KANSL1: variants seen among roughly 807,000 people sequenced by gnomAD.
KANSL1 encodes MLL1/MLL complex subunit KANSL1.
In KANSL1, 22 loss-of-function variants were observed where a neutral mutation model predicts 103.6. The ratio of observed to expected loss-of-function variants is 0.21; its 90% CI spans 0.15 to 0.30. The LOEUF (loss-of-function observed/expected upper bound fraction) is 0.30. KANSL1 is among the 10% of genes least tolerant of loss of function. KANSL1 has a pLI of 1.00. For missense variants in KANSL1, 1,337 were observed against 1,399.8 expected (o/e 0.96, Z 0.72); for synonymous variants, 600 against 527.6 (o/e 1.14, Z -1.88).
intron 3 of KANSL1, among the ~76,000 whole-genome samples, chr17:46,086,170 T>C (rs1276748380): frequency 6.8e-6 from 1 of 147,950 alleles, no homozygotes. Context: ...TTCAGTTATA[T>C]GAAAGTAAGG....
intron 2 of KANSL1, among the ~76,000 whole-genome samples, chr17:46,155,212 T>C (rs1052838390): frequency 3.4e-5 from 5 of 147,454 alleles, no homozygotes; most frequent in African/African-American, 1.0e-4. Flanking sequence ...GCCCAGGCTG[T>C]AGTGTTGCCA....
intron 10 of KANSL1, among the ~76,000 whole-genome samples, chr17:46,036,532 C>T (rs1260454862): frequency 6.6e-6 from 1 of 152,136 alleles, no homozygotes; most frequent in Non-Finnish European, 1.5e-5. Context: ...TAGGTATTAT[C>T]AGTAATCTGG....
chr17:46,213,744 CCT>C (rs1324069875), intron 1 of KANSL1, among the ~76,000 whole-genome samples: 1 of 151,642 alleles, frequency 6.6e-6, no homozygotes, highest in Non-Finnish European at 1.5e-5. Context: ...ATGGTGAAAC[CCT>C]GTCTCTACTA....
At chr17:46,154,811 T>C (rs911368310) in intron 2 of KANSL1, among the ~76,000 whole-genome samples, 5 of 152,220 alleles carry the variant, frequency 3.3e-5, no homozygotes, top group South Asian at 2.1e-4. Context: ...ACATGGTTTA[T>C]ATGATGCCAT....
At chr17:46,091,817 G>GT (rs1318313807) in intron 3 of KANSL1, among the ~76,000 whole-genome samples, 2 of 151,944 alleles carry the variant, frequency 1.3e-5, no homozygotes, top group Non-Finnish European at 2.9e-5. Flanking sequence ...ATGTAAGTAT[G>GT]TATGTATGTA....
In KANSL1 at chr17:46,033,397, C is replaced by T; in HGVS notation, c.2724+6G>A. The T allele has an allele frequency of 6.2e-7, 1 of 1,613,822 alleles. No homozygotes were observed. The highest frequency in any genetic ancestry group is 2.2e-5 in the East Asian group (1 of 44,882). On this transcript the variant is annotated splice_donor_region_variant and intron_variant, in intron 12 of 14. Transcript: ENST00000432791. ...TGTTCTTCTAACAGAAGAACCAGGCCATTACCTCTTCATTCTCCTCATCAG... is the reference window on the plus strand; with the variant it reads ...TGTTCTTCTAACAGAAGAACCAGGCTATTACCTCTTCATTCTCCTCATCAG...
At position 46,031,707 on chromosome 17, in the gene KANSL1, T is replaced by TA; in HGVS notation, c.3091-5dup. ...GCCGCTCCCAGGGCTGGACAGACTG[T>TA]AGGCAGACAAGTTGCTCTTTGAGGA... On this transcript the variant is annotated splice_polypyrimidine_tract_variant and splice_region_variant and intron_variant, in intron 14 of 14. Coordinates refer to ENST00000432791, the MANE Select transcript of KANSL1 (RefSeq NM_015443.4). The TA allele has an allele frequency of 6.3e-7, 1 of 1,591,018 alleles. No individual in the cohort carries two copies. The highest frequency in any genetic ancestry group is 1.1e-5 in the South Asian group (1 of 89,902).
upstream of KANSL1, chr17:46,196,506 G>A (rs1210899085): frequency 2.2e-6 from 1 of 450,344 alleles, no homozygotes; most frequent in South Asian, 1.6e-5. Flanking sequence ...AACTGCTACA[G>A]TCACCTTTGC....
chr17:46,146,978 C>A (rs1379488373), intron 2 of KANSL1, among the ~76,000 whole-genome samples: 1 of 151,874 alleles, frequency 6.6e-6, no homozygotes, highest in African/African-American at 2.4e-5. Flanking sequence ...GAGGCTGAGG[C>A]AGAAGAACTG....
chr17:46,050,263 T>G, intron 7 of KANSL1: 1 of 486,260 alleles, frequency 2.1e-6, no homozygotes. Flanking sequence ...TGGACCAGAT[T>G]ACTGTGGCTA....
chr17:46,129,322 G>C lies in KANSL1; in HGVS notation c.1290-34621C>G, dbSNP rs1427622003. On this transcript the variant is annotated intron_variant, in intron 2 of 14. Transcript: ENST00000432791. ...ATGGAAATTAAGCACCTTAGGAGAA[G>C]AAAAGGGAGTTAAATAAAAAAGAGA... Among the ~76,000 whole-genome samples, 4 of 152,280 alleles carry C rather than the reference G, an allele frequency of 2.6e-5. No homozygotes were observed. The East Asian group carries it at 7.7e-4, about 29-fold the overall frequency.
chr17:46,072,204 T>C (rs1229811956), intron 4 of KANSL1, among the ~76,000 whole-genome samples: 2 of 152,020 alleles, frequency 1.3e-5, no homozygotes, highest in African/African-American at 4.8e-5. Context: ...CAATGTCTAC[T>C]AGATTTGTTT....
chr17:46,084,227 CA>C (rs1311033817), intron 3 of KANSL1, among the ~76,000 whole-genome samples: 5 of 151,528 alleles, frequency 3.3e-5, no homozygotes, highest in African/African-American at 9.7e-5. Context: ...ACTAAAAATA[CA>C]AAAATTGCCC....
At chr17:46,180,367 G>T (rs911021399) in intron 1 of KANSL1, among the ~76,000 whole-genome samples, 1 of 151,990 alleles carries the variant, frequency 6.6e-6, no homozygotes, top group Admixed American at 6.6e-5. Flanking sequence ...GTGTGGTGGC[G>T]GGCACCTGTA....
intron 3 of KANSL1, among the ~76,000 whole-genome samples, chr17:46,092,107 T>C (rs1418863194): frequency 6.6e-6 from 1 of 152,212 alleles, no homozygotes; most frequent in African/African-American, 2.4e-5. Flanking sequence ...AGTGCTGAGA[T>C]TACAGGCGTG....
chr17:46,088,965 G>T (rs1421047981), intron 3 of KANSL1, among the ~76,000 whole-genome samples: 4 of 152,012 alleles, frequency 2.6e-5, no homozygotes, highest in Non-Finnish European at 5.9e-5. Flanking sequence ...TCAGTGAAAT[G>T]ATGAAAAGGA....
At chr17:46,165,766 C>T (rs2045964946) in intron 2 of KANSL1, among the ~76,000 whole-genome samples, 1 of 152,092 alleles carries the variant, frequency 6.6e-6, no homozygotes, top group South Asian at 2.1e-4. Context: ...CCACCTTGGC[C>T]TCCCAAAGTG....
intron 6 of KANSL1, among the ~76,000 whole-genome samples, chr17:46,065,805 C>T (rs1161263240): frequency 1.3e-5 from 2 of 152,164 alleles, no homozygotes; most frequent in African/African-American, 4.8e-5. Flanking sequence ...GTGAATTAAT[C>T]TCCATTTCCT....
chr17:46,216,616 A>AAAAAAAAT (rs778351416), intron 1 of KANSL1, among the ~76,000 whole-genome samples: 5 of 147,846 alleles, frequency 3.4e-5, no homozygotes, highest in Admixed American at 6.9e-5. Flanking sequence ...AAAAAAAAAA[A>AAAAAAAAT]GTTTCAAAGA....
Sources: allele counts gnomAD v4.1 joint callset (sites outside exome capture counted in the v4.1 genomes callset), GRCh38; gene constraint gnomAD v4.1.1; transcripts MANE v1.5; gene names NCBI Gene and HGNC (gene_info 2026-07-23, HGNC 2026-07-21).